The following DTNA variants were observed in gnomAD, a reference collection of about 807,000 sequenced individuals.
The protein encoded by DTNA is dystrophin-related protein 3.
Under a neutral mutation model 100.7 loss-of-function variants are expected in DTNA, and 43 were observed. The ratio of observed to expected loss-of-function variants is 0.43; its 90% confidence interval spans 0.33 to 0.55. DTNA has a LOEUF of 0.55. DTNA is among the 20% of genes least tolerant of loss of function. The pLI is 0.04. For missense variants in DTNA, 798 were observed against 953.9 expected, an observed-to-expected ratio of 0.84 and a Z score of 2.15; for synonymous variants, 349 against 347.9, an observed-to-expected ratio of 1.00 and a Z score of -0.04.
chr18:34,718,249 G>T (rs1193387279), intron 1 of DTNA, among the ~76,000 whole-genome samples: 1 of 152,142 alleles, frequency 6.6e-6, no homozygotes, highest in Non-Finnish European at 1.5e-5. Context: ...TATGACACAT[G>T]ACAATTTTGT....
intron 1 of DTNA, among the ~76,000 whole-genome samples, chr18:34,690,456 G>A (rs1417119732): frequency 6.6e-6 from 1 of 152,142 alleles, no homozygotes; most frequent in Non-Finnish European, 1.5e-5. Context: ...GCCCTCTGTG[G>A]GCTATACCCA....
intron 16 of DTNA, among the ~76,000 whole-genome samples, chr18:34,861,153 A>C (rs1237132487): frequency 6.6e-6 from 1 of 152,150 alleles, no homozygotes; most frequent in East Asian, 1.9e-4. Flanking sequence ...AACCCATATT[A>C]AAATTTTGAC....
intron 1 of DTNA, among the ~76,000 whole-genome samples, chr18:34,508,566 T>G (rs907022517): frequency 1.3e-5 from 2 of 152,142 alleles, no homozygotes; most frequent in African/African-American, 4.8e-5. Context: ...GGTTAAAAGG[T>G]TTTAAAATGT....
chr18:34,848,094 A>G (rs1212960486), intron 13 of DTNA, among the ~76,000 whole-genome samples: 1 of 152,256 alleles, frequency 6.6e-6, no homozygotes, highest in East Asian at 1.9e-4. Context: ...GACTGAAGAC[A>G]GGATTTATTA....
chr18:34,719,009 CAT>C (rs979788883), intron 1 of DTNA, among the ~76,000 whole-genome samples: 8 of 151,942 alleles, frequency 5.3e-5, no homozygotes, highest in Admixed American at 6.5e-5. Context: ...GGAGAACAGT[CAT>C]AGAACATGGA....
intron 1 of DTNA, among the ~76,000 whole-genome samples, chr18:34,672,226 C>T (rs982779715): frequency 2.0e-5 from 3 of 151,900 alleles, no homozygotes; most frequent in African/African-American, 4.8e-5. Context: ...TTTATCTATA[C>T]TTAGTTTTAG....
intron 1 of DTNA, among the ~76,000 whole-genome samples, chr18:34,640,059 A>T (rs1329665120): frequency 6.6e-6 from 1 of 152,206 alleles, no homozygotes; most frequent in African/African-American, 2.4e-5. Flanking sequence ...GTTCCAATAA[A>T]AGCCTTTGAT....
chr18:34,776,490 T>A (rs1817451), intron 3 of DTNA, among the ~76,000 whole-genome samples: 2 of 152,138 alleles, frequency 1.3e-5, no homozygotes, highest in South Asian at 4.1e-4. Context: ...TACAGGCACT[T>A]GCCACCACAC....
intron 1 of DTNA, among the ~76,000 whole-genome samples, chr18:34,553,199 T>A (rs1018431076): frequency 3.3e-5 from 5 of 152,038 alleles, no homozygotes; most frequent in Non-Finnish European, 1.5e-5. Flanking sequence ...TCTGTTCATG[T>A]CTTTTGCCCA....
At chr18:34,784,422 C>T (rs1386409899) in intron 3 of DTNA, among the ~76,000 whole-genome samples, 1 of 152,198 alleles carries the variant, frequency 6.6e-6, no homozygotes, top group African/African-American at 2.4e-5. Flanking sequence ...GTTCTTTGCT[C>T]TGTGCCATTG....
At chr18:34,559,113 A>G (rs951814881) in intron 1 of DTNA, among the ~76,000 whole-genome samples, 1 of 152,238 alleles carries the variant, frequency 6.6e-6, no homozygotes, top group African/African-American at 2.4e-5. Context: ...TAATACATAC[A>G]TGATACCCAT....
At chr18:34,594,131 C>T (rs1299359797) in intron 1 of DTNA, among the ~76,000 whole-genome samples, 1 of 150,940 alleles carries the variant, frequency 6.6e-6, no homozygotes, top group South Asian at 2.1e-4. Flanking sequence ...CAAGCAGGTT[C>T]CCCTCCTTCA....
chr18:34,714,672 G>A (rs1455524060), intron 1 of DTNA, among the ~76,000 whole-genome samples: 1 of 151,890 alleles, frequency 6.6e-6, no homozygotes, highest in Admixed American at 6.6e-5. Flanking sequence ...GGAAGTCAGT[G>A]TGGCGATTCC....
At chr18:34,847,770 G>A (rs2096406593) in intron 13 of DTNA, among the ~76,000 whole-genome samples, 1 of 152,188 alleles carries the variant, frequency 6.6e-6, no homozygotes, top group African/African-American at 2.4e-5. Context: ...CATCTTGGAA[G>A]TGACATTCCA....
At chr18:34,699,549 C>T (rs935521113) in intron 1 of DTNA, among the ~76,000 whole-genome samples, 1 of 152,180 alleles carries the variant, frequency 6.6e-6, no homozygotes, top group Non-Finnish European at 1.5e-5. Context: ...CCTGGTGACC[C>T]AGTCAGGTTG....
chr18:34,642,526 C>CTTCT (rs918009138), intron 1 of DTNA, among the ~76,000 whole-genome samples: 2 of 147,730 alleles, frequency 1.4e-5, no homozygotes, highest in African/African-American at 5.0e-5. Flanking sequence ...TCCTTCTTTC[C>CTTCT]TTCTTTCTTT....
intron 1 of DTNA, among the ~76,000 whole-genome samples, chr18:34,667,499 G>A (rs2076106116): frequency 6.6e-6 from 1 of 152,134 alleles, no homozygotes; most frequent in South Asian, 2.1e-4. Flanking sequence ...CCTGTCTTGT[G>A]CCAGTTTTCA....
intron 1 of DTNA, chr18:34,662,858 A>G (rs2075381145): frequency 6.6e-6 from 1 of 152,170 alleles, no homozygotes; most frequent in African/African-American, 2.4e-5. Context: ...TTTTAGGACA[A>G]CGGTTCTCAA....
At chr18:34,803,254 C>T (rs1319713053) in intron 4 of DTNA, among the ~76,000 whole-genome samples, 1 of 151,998 alleles carries the variant, frequency 6.6e-6, no homozygotes, top group Non-Finnish European at 1.5e-5. Flanking sequence ...CCTGTAAAAC[C>T]CTCATTCGGC....
Sources: gnomAD v4.1 joint callset for allele counts (sites outside exome capture counted in the v4.1 genomes callset) on GRCh38, gnomAD v4.1.1 for gene constraint, MANE v1.5 for transcripts, NCBI Gene and HGNC (gene_info 2026-07-23, HGNC 2026-07-21) for gene names.